Variants in PRKD3 observed in about 807,000 individuals in gnomAD.
PRKD3 encodes the protein protein kinase D3.
In PRKD3, 47 loss-of-function variants were observed where a neutral mutation model predicts 99.2. That is an observed-to-expected ratio of 0.47 (90% confidence interval 0.38 to 0.60). PRKD3 has a LOEUF of 0.60. Among genes scored for constraint, PRKD3 ranks in the 20% least tolerant of loss-of-function variants. The pLI is 0.00. For synonymous variants in PRKD3, 392 were observed against 355.4 expected (o/e 1.10, Z -1.16); for missense variants, 1,019 against 1,088.4 (o/e 0.94, Z 0.90).
At chr2:37,303,676 C>T (rs79991883) in intron 2 of PRKD3, among the ~76,000 whole-genome samples, 3,461 of 152,094 alleles carry the variant, frequency 0.023, 58 homozygotes, top group Middle Eastern at 0.051. Context: ...GTCCCAAGTC[C>T]GATGAAGAGG....
At chr2:37,284,940 C>CCG (rs1280570216) in intron 6 of PRKD3, among the ~76,000 whole-genome samples, 1 of 152,100 alleles carries the variant, frequency 6.6e-6, no homozygotes, top group Non-Finnish European at 1.5e-5. Flanking sequence ...TATCCCTCCC[C>CCG]CCTCAGAAAA....
chr2:37,318,502 C>T (rs1405578456), intron 1 of PRKD3, among the ~76,000 whole-genome samples: 1 of 152,180 alleles, frequency 6.6e-6, no homozygotes, highest in Admixed American at 6.5e-5. Context: ...CCAGTGCTGT[C>T]TCCACAAGAA....
chr2:37,324,143 C>G (rs1195047172), intron 1 of PRKD3: 46 of 983,152 alleles, frequency 4.7e-5, no homozygotes, highest in Admixed American at 6.2e-5. Context: ...CAAATCCAAA[C>G]GCAGTCGGGA....
intron 4 of PRKD3, among the ~76,000 whole-genome samples, chr2:37,290,045 A>T (rs1381027775): frequency 6.6e-6 from 1 of 152,192 alleles, no homozygotes; most frequent in Non-Finnish European, 1.5e-5. Context: ...GTAATAGCAG[A>T]GTTAAATCAT....
intron 14 of PRKD3, among the ~76,000 whole-genome samples, chr2:37,262,742 A>G (rs1044588119): frequency 6.6e-6 from 1 of 152,050 alleles, no homozygotes; most frequent in Non-Finnish European, 1.5e-5. Flanking sequence ...CTGTAACATT[A>G]TTTTTCTCCC....
intron 2 of PRKD3, among the ~76,000 whole-genome samples, chr2:37,306,206 T>TA (rs1172085870): frequency 6.6e-6 from 1 of 152,154 alleles, no homozygotes; most frequent in Admixed American, 6.5e-5. Context: ...TTCTCCCTTG[T>TA]AATCAGGCGT....
At chr2:37,271,962 G>T (rs1284098207) in intron 12 of PRKD3, among the ~76,000 whole-genome samples, 1 of 152,102 alleles carries the variant, frequency 6.6e-6, no homozygotes, top group Non-Finnish European at 1.5e-5. Flanking sequence ...CTGCTTCCCT[G>T]TTTGTTCATC....
At chr2:37,295,213 C>G (rs1670622976) in intron 2 of PRKD3, among the ~76,000 whole-genome samples, 1 of 151,860 alleles carries the variant, frequency 6.6e-6, no homozygotes, top group African/African-American at 2.4e-5. Flanking sequence ...TCCTTATCTT[C>G]CAGGAACTTA....
chr2:37,297,495 A>G (rs997249534), intron 2 of PRKD3, among the ~76,000 whole-genome samples: 1 of 152,172 alleles, frequency 6.6e-6, no homozygotes, highest in Non-Finnish European at 1.5e-5. Context: ...ATACATTATC[A>G]TTAACTAAGG....
chr2:37,316,554 G>A lies in PRKD3; in HGVS notation c.-30C>T, dbSNP rs1324591760. 1.3e-6 allele frequency: 2 copies of A among 1,590,348 alleles called. No individual in the cohort carries two copies. Among genetic ancestry groups the A allele is most frequent in the East Asian group, 4.5e-5 (2 of 44,638 alleles). On this transcript the variant is annotated 5_prime_UTR_variant, in exon 2 of 19. Transcript: ENST00000234179. ...CTTTCTTTAATCTTTTAAAATAGTTGTCGATTCTTTTTCAATGGTTATGAA... is the reference window on the plus strand; with the variant it reads ...CTTTCTTTAATCTTTTAAAATAGTTATCGATTCTTTTTCAATGGTTATGAA...
intron 16 of PRKD3, 82 bp from the exon 17 acceptor site, chr2:37,257,011 A>G (rs757875842): frequency 4.3e-5 from 61 of 1,412,952 alleles, no homozygotes; most frequent in Non-Finnish European, 5.6e-5. Context: ...CACTGTATGT[A>G]TCATTTCAAC....
chr2:37,288,800 G>A (rs1670241887), intron 5 of PRKD3, among the ~76,000 whole-genome samples: 2 of 152,092 alleles, frequency 1.3e-5, no homozygotes, highest in South Asian at 4.2e-4. Context: ...TCATGCCTGC[G>A]ATCCCAGAAC....
chr2:37,272,883 T>C (rs1040235094), intron 11 of PRKD3, among the ~76,000 whole-genome samples: 7 of 149,400 alleles, frequency 4.7e-5, no homozygotes, highest in Non-Finnish European at 7.4e-5. Flanking sequence ...CTCAGGAGGC[T>C]GAGACAGGAG....
At position 37,316,314 on chromosome 2, in the gene PRKD3, C is replaced by G. The variant is rs1242126325; in HGVS notation, c.211G>C (p.Glu71Gln). 6.8e-6 allele frequency: 11 copies of G among 1,614,236 alleles called. No individual in the cohort carries two copies. Among genetic ancestry groups the G allele is most frequent in the Non-Finnish European group, 9.3e-6 (11 of 1,180,042 alleles). ...SFLLQIGLTR[E>Q]SVTIEAQELS... ...TCCTGGGCTTCAATGGTAACACTCT[C>G]CCGTGTGAGGCCAATTTGCAGTAGA... The change falls in exon 2 of 19, where the codon GAG (glutamate) becomes CAG (glutamine). Residue 71 changes from glutamate (E) to glutamine (Q), a missense_variant. Physicochemically the swap from Glu to Gln is conservative, Grantham distance 29. Transcript: ENST00000234179.
intron 2 of PRKD3, 35 bp downstream of exon 2, chr2:37,316,202 A>G (rs768422268): frequency 1.3e-6 from 2 of 1,542,816 alleles, no homozygotes; most frequent in Admixed American, 3.5e-5. Context: ...ATCAGTAACA[A>G]TATTATTTAC....
In PRKD3 at chr2:37,252,564, A is replaced by ATTCCTAACCTT. The variant is rs1667580328; in HGVS notation, c.*612_*613insAAGGTTAGGAA. 6.6e-6 allele frequency: 1 copy of ATTCCTAACCTT among 152,152 alleles called. No individual in the cohort carries two copies. The highest frequency in any genetic ancestry group is 2.4e-5 in the African/African-American group (1 of 41,442). 9.4% of individuals were successfully genotyped at this position (152,152 alleles called of 1,614,324 possible). A position where few individuals can be genotyped will look rare whatever the true frequency, so the allele number is the denominator to read the frequency against. ...AACTCCAAAAAGGTTAGGAATCACT[A>ATTCCTAACCTT]TTTTGGAGTCTTGATTGACCTAAAA... On this transcript the variant is annotated 3_prime_UTR_variant, in exon 19 of 19. Transcript: ENST00000234179.
At chr2:37,310,160 T>C (rs1186790460) in intron 2 of PRKD3, among the ~76,000 whole-genome samples, 9 of 150,910 alleles carry the variant, frequency 6.0e-5, no homozygotes, top group African/African-American at 1.2e-4. Flanking sequence ...ACTTAATTGA[T>C]AGTAGTTTTC....
At chr2:37,288,780 T>C (rs1237455159) in intron 5 of PRKD3, among the ~76,000 whole-genome samples, 3 of 152,144 alleles carry the variant, frequency 2.0e-5, no homozygotes, top group East Asian at 3.9e-4. Flanking sequence ...GATCTGCAGA[T>C]AGCAGTGCCT....
Position 37,306,940 on chromosome 2 carries a change from A to T in PRKD3, c.288+9297T>A, listed in dbSNP as rs187162059. Among the ~76,000 whole-genome samples the T allele has an allele frequency of 9.7e-4, 148 of 152,356 alleles. 1 individual carries two copies. Among genetic ancestry groups the T allele is most frequent in the African/African-American group, 3.5e-3 (144 of 41,582 alleles). On this transcript the variant is annotated intron_variant, in intron 2 of 18. Transcript: ENST00000234179. ...TATTTTACTAAGCCCCTACAATGGT[A>T]CTAAAAGAGAGACATTGTAGATTTC...
Sources: allele counts gnomAD v4.1 joint callset (sites outside exome capture counted in the v4.1 genomes callset), GRCh38; gene constraint gnomAD v4.1.1; transcripts MANE v1.5; gene names NCBI Gene and HGNC (gene_info 2026-07-23, HGNC 2026-07-21).